ARFGEF2: variants seen among roughly 807,000 people sequenced by gnomAD.
The protein encoded by ARFGEF2 is ARF guanine nucleotide exchange factor 2.
Under a neutral mutation model 219.9 loss-of-function variants are expected in ARFGEF2, and 74 were observed. The observed-to-expected ratio is 0.34, with a 90% confidence interval of 0.28 to 0.41. The LOEUF is 0.41. Ranked by LOEUF, ARFGEF2 falls within the 10% of genes least tolerant of loss-of-function variation. The pLI is 1.00. For synonymous variants in ARFGEF2, 733 were observed against 799.2 expected (o/e 0.92, Z 1.40); for missense variants, 1,743 against 2,218.3 (o/e 0.79, Z 4.30).
In ARFGEF2 at chr20:49,018,971, G is replaced by A. The variant is rs1451352505; in HGVS notation, c.4597G>A (p.Asp1533Asn). The A allele has an allele frequency of 1.2e-6, 2 of 1,613,922 alleles. No homozygotes were observed. The highest frequency in any genetic ancestry group is 3.3e-5 in the Admixed American group (2 of 60,020). Reference sequence around the variant, plus strand: ...GAGCCAGCTCTCTAACCCAACAGATGACAGCTGGAAGGGTAGACCATACGC... The same window carrying A: ...GAGCCAGCTCTCTAACCCAACAGATAACAGCTGGAAGGGTAGACCATACGC... ...GQSQLSNPTD[D>N]SWKGRPYANQ... is the part of the protein sequence containing the mutation. The change falls in exon 34 of 39, where the codon GAC becomes AAC. Residue 1533 changes from aspartate to asparagine, a missense_variant. Physicochemically the swap from Asp to Asn is conservative, Grantham distance 23. Around this residue, in one of 5 missense-constraint regions of ARFGEF2, gnomAD observed 578 missense variants for 664.0 expected, o/e 0.87. Transcript: ENST00000371917.
intron 26 of ARFGEF2, among the ~76,000 whole-genome samples, chr20:49,008,575 T>G (rs1227496605): frequency 6.7e-6 from 1 of 149,116 alleles, no homozygotes; most frequent in Non-Finnish European, 1.5e-5. Context: ...AAAAAAAAAG[T>G]TCACAATGTT....
chr20:48,990,968 C>T (rs2091354270), intron 20 of ARFGEF2, 72 bp from the exon 21 acceptor site: 2 of 1,538,736 alleles, frequency 1.3e-6, no homozygotes, highest in African/African-American at 1.4e-5. Flanking sequence ...CCCAGTGTGC[C>T]AGCCCTGCAG....
At chr20:48,985,642 A>G (rs1379091086) in intron 16 of ARFGEF2, 29 bp downstream of exon 16, 1 of 1,610,204 alleles carries the variant, frequency 6.2e-7, no homozygotes, top group Non-Finnish European at 8.5e-7. Flanking sequence ...TCCCTTCCAG[A>G]TCATCTGTTT....
intron 20 of ARFGEF2, among the ~76,000 whole-genome samples, chr20:48,990,390 AC>A (rs1302764467): frequency 8.5e-5 from 13 of 152,170 alleles, no homozygotes; most frequent in Non-Finnish European, 1.3e-4. Context: ...ATGTCTGTAA[AC>A]CTTTGAAACT....
chr20:48,989,440 A>G lies in ARFGEF2; in HGVS notation c.2685+4A>G. ...CCATGTCCGGCCAATGTTCAAAGTGAGTATCCTGAGAACTTAGCAAGCATG... is the reference window on the plus strand; with the variant it reads ...CCATGTCCGGCCAATGTTCAAAGTGGGTATCCTGAGAACTTAGCAAGCATG... On this transcript the variant is annotated splice_donor_region_variant and intron_variant, in intron 19 of 38. Transcript: ENST00000371917. 6.2e-7 allele frequency: 1 copy of G among 1,614,232 alleles called. No individual in the cohort carries two copies. Among genetic ancestry groups the G allele is most frequent in the Non-Finnish European group, 8.5e-7 (1 of 1,180,034 alleles).
rs965374313 is a variant in ARFGEF2 at position 49,035,294 on chromosome 20, G to A, written c.*2095G>A. On this transcript the variant is annotated 3_prime_UTR_variant, in exon 39 of 39. Transcript: ENST00000371917. Reference sequence around the variant, plus strand: ...CTCTCTTTAATTTTGCCTCTTGAGGGGTAGCAGATGTGTCAGTGCATTTTA... The same window carrying A: ...CTCTCTTTAATTTTGCCTCTTGAGGAGTAGCAGATGTGTCAGTGCATTTTA... 1.3e-5 allele frequency: 2 copies of A among 152,010 alleles called. No individual in the cohort carries two copies. Among genetic ancestry groups the A allele is most frequent in the Admixed American group, 1.3e-4 (2 of 15,252 alleles). The allele number at this position is 152,010 out of a possible 1,614,324, so 9.4% of individuals were successfully genotyped here.
chr20:48,977,051 A>G (rs2091266729), intron 14 of ARFGEF2, among the ~76,000 whole-genome samples: 1 of 151,852 alleles, frequency 6.6e-6, no homozygotes, highest in African/African-American at 2.4e-5. Context: ...ATAGGTATAC[A>G]TGTGCCATGT....
At position 48,994,713 on chromosome 20, in the gene ARFGEF2, G is replaced by A. The variant is rs144923821; in HGVS notation, c.3121+115G>A. On this transcript the variant is annotated intron_variant, in intron 22 of 38. Transcript: ENST00000371917. ...ACCGTCTCTTCCTTTTGTGCCATCT[G>A]ACAGTGTTCATGAATGCAAGTGGAC... 4.9e-5 allele frequency: 72 copies of A among 1,469,376 alleles called. No homozygotes were observed. The African/African-American group carries it at 8.2e-4, about 17-fold the overall frequency. 91.0% of individuals were successfully genotyped at this position (1,469,376 alleles called of 1,614,324 possible). A position where few individuals can be genotyped will look rare whatever the true frequency, so the allele number is the denominator to read the frequency against.
At chr20:48,976,943 T>C (rs1318881714) in intron 14 of ARFGEF2, among the ~76,000 whole-genome samples, 1 of 137,548 alleles carries the variant, frequency 7.3e-6, no homozygotes, top group Admixed American at 6.9e-5. Flanking sequence ...GGCATTTTAT[T>C]TTATTTTATT....
At chr20:49,028,091 C>T (rs1429346903) in intron 36 of ARFGEF2, among the ~76,000 whole-genome samples, 2 of 152,138 alleles carry the variant, frequency 1.3e-5, no homozygotes, top group African/African-American at 4.8e-5. Flanking sequence ...AACCCTGTCT[C>T]TACTAAAAAT....
rs143306476 is a variant in ARFGEF2 at position 48,962,119 on chromosome 20, G to A, written c.839-1711G>A. Among the ~76,000 whole-genome samples, 1,212 of 152,320 alleles carry A rather than the reference G, an allele frequency of 8.0e-3. 9 individuals are homozygous for A. Among genetic ancestry groups the A allele is most frequent in the Non-Finnish European group, 0.013 (856 of 68,026 alleles). On this transcript the variant is annotated intron_variant, in intron 6 of 38. Coordinates refer to ENST00000371917, the MANE Select transcript of ARFGEF2 (RefSeq NM_006420.3). ...TGCTTGAACCTGGGAGGCGGAGGCT[G>A]TAGTGAGCTGGGATTGCTCCATTGC...
intron 1 of ARFGEF2, among the ~76,000 whole-genome samples, chr20:48,929,109 G>A (rs775731957): frequency 1.3e-5 from 2 of 152,226 alleles, no homozygotes; most frequent in African/African-American, 2.4e-5. Context: ...CCAGGCTTAG[G>A]GGGCCTGCCA....
Position 49,017,286 on chromosome 20 carries a change from A to G in ARFGEF2, c.4353A>G (p.Leu1451=). ...EQLARSGTNC[L]ENLVISNGEK... Reference sequence around the variant, plus strand: ...TGGCGCGATCAGGTACAAATTGCTTAGAAAACTTAGTAATATCCAATGGAG... The same window carrying G: ...TGGCGCGATCAGGTACAAATTGCTTGGAAAACTTAGTAATATCCAATGGAG... The change falls in exon 32 of 39, where the codon TTA becomes TTG. Residue 1451 remains leucine (L), a synonymous_variant. Coordinates refer to ENST00000371917, the MANE Select transcript of ARFGEF2 (RefSeq NM_006420.3). 2 of 1,614,096 alleles carry G rather than the reference A, an allele frequency of 1.2e-6. No homozygotes were observed. Among genetic ancestry groups the G allele is most frequent in the South Asian group, 1.1e-5 (1 of 91,090 alleles).
chr20:48,977,449 G>T lies in ARFGEF2; in HGVS notation c.1958+1250G>T, dbSNP rs555953812. Among the ~76,000 whole-genome samples the T allele has an allele frequency of 3.0e-3, 451 of 152,294 alleles. 3 individuals are homozygous for T. The highest frequency in any genetic ancestry group is 1.8e-3 in the Non-Finnish European group (123 of 68,028). On this transcript the variant is annotated intron_variant, in intron 14 of 38. Transcript: ENST00000371917. Reference sequence around the variant, plus strand: ...CCGCAATAAACATACGTGTGCATGTGTCTTTATAGTAGCATGATGTATAAT... The same window carrying T: ...CCGCAATAAACATACGTGTGCATGTTTCTTTATAGTAGCATGATGTATAAT...
chr20:48,995,586 A>G (rs1238036162), intron 22 of ARFGEF2, among the ~76,000 whole-genome samples, 197 bp from the exon 23 acceptor site: 1 of 152,386 alleles, frequency 6.6e-6, no homozygotes, highest in African/African-American at 2.4e-5. Context: ...GAAAGCTTAT[A>G]CTAAGGATAT....
intron 7 of ARFGEF2, among the ~76,000 whole-genome samples, chr20:48,965,169 ATGTT>A (rs1042224746): frequency 2.0e-5 from 3 of 152,096 alleles, no homozygotes; most frequent in African/African-American, 7.2e-5. Flanking sequence ...CACATAATGG[ATGTT>A]TGTCTTGTTT....
chr20:48,950,811 A>AAAAAAAATATATAT (rs1176537072), intron 3 of ARFGEF2, among the ~76,000 whole-genome samples: 1 of 64,482 alleles, frequency 1.6e-5, no homozygotes, highest in Non-Finnish European at 2.6e-5. Context: ...AAAAAAAAAA[A>AAAAAAAATATATAT]ATATATATAT....
At chr20:48,999,248 A>AG (rs1328754078) in intron 25 of ARFGEF2, 4 of 453,888 alleles carry the variant, frequency 8.8e-6, no homozygotes, top group Non-Finnish European at 1.8e-5. Flanking sequence ...AGAAAAAAAA[A>AG]TTAATAATTG....
At chr20:48,969,308 A>G in intron 9 of ARFGEF2, 31 bp downstream of exon 9, 3 of 1,614,018 alleles carry the variant, frequency 1.9e-6, no homozygotes, top group Non-Finnish European at 2.5e-6. Context: ...GGCCACCTTC[A>G]GTCCAATGAT....
Sources: allele counts gnomAD v4.1 joint callset (sites outside exome capture counted in the v4.1 genomes callset), GRCh38; gene constraint gnomAD v4.1.1; regional missense constraint gnomAD v4.1.1; transcripts MANE v1.5; gene names NCBI Gene and HGNC (gene_info 2026-07-23, HGNC 2026-07-21).